GGA2: variants seen among roughly 807,000 people sequenced by gnomAD.
GGA2 encodes the protein ADP-ribosylation factor-binding protein GGA2.
GGA2 carries 48 observed loss-of-function variants against 79.5 expected under a neutral mutation model. The ratio of observed to expected loss-of-function variants is 0.60; its 90% CI spans 0.48 to 0.77. The LOEUF is 0.77. Among genes scored for constraint, GGA2 ranks in the 30% least tolerant of loss-of-function variants. GGA2 has a pLI of 0.00. For missense variants in GGA2, 770 were observed against 774.0 expected (o/e 0.99, Z 0.06); for synonymous variants, 317 against 302.0 (o/e 1.05, Z -0.51).
intron 8 of GGA2, among the ~76,000 whole-genome samples, chr16:23,484,470 G>A (rs1964688134): frequency 6.6e-6 from 1 of 152,096 alleles, no homozygotes; most frequent in African/African-American, 2.4e-5. Context: ...TCAAAATAGT[G>A]AAAAGACAGC....
At chr16:23,521,890 G>A (rs1965146667) in exon 1 of GGA2, 1 of 455,426 alleles carries the variant, frequency 2.2e-6, no homozygotes. Flanking sequence ...CTTGGACTCT[G>A]GATCGGCACA....
chr16:23,480,517 A>G lies in GGA2; in HGVS notation c.1006+128T>C, dbSNP rs1964633345. The stretch of plus-strand genomic sequence containing the variant: ...GTGGCAACATATCCACTTTCACAGG[A>G]AGGGGAACAAAGGGCGAGTTCTCTC... On this transcript the variant is annotated intron_variant, in intron 10 of 16. Transcript: ENST00000309859. 21 of 766,484 alleles carry G rather than the reference A, an allele frequency of 2.7e-5. No homozygotes were observed. The South Asian group carries it at 4.4e-4, about 16-fold the overall frequency. The allele number at this position is 766,484 out of a possible 1,614,324, so 47.5% of individuals were successfully genotyped here.
upstream of GGA2, among the ~76,000 whole-genome samples, chr16:23,513,613 G>GT (rs1965086364): frequency 6.6e-6 from 1 of 151,654 alleles, no homozygotes; most frequent in Admixed American, 6.6e-5. Flanking sequence ...GTGAAACCGC[G>GT]TGTCTACAAA....
At chr16:23,513,721 G>A (rs1457778735), upstream of GGA2, among the ~76,000 whole-genome samples, 1 of 146,412 alleles carries the variant, frequency 6.8e-6, no homozygotes, top group Non-Finnish European at 1.5e-5. Flanking sequence ...GGAGGCGGAG[G>A]TTGCAGTGAG....
At chr16:23,495,379 T>TC (rs922029033) in intron 2 of GGA2, 6 of 191,956 alleles carry the variant, frequency 3.1e-5, no homozygotes, top group African/African-American at 9.2e-5. Context: ...GTGTTTTTTT[T>TC]CCCCCACATG....
At chr16:23,523,059 G>A (rs994836421), upstream of GGA2, 1 of 152,202 alleles carries the variant, frequency 6.6e-6, no homozygotes, top group African/African-American at 2.4e-5. Context: ...CTTACCCTCA[G>A]AAGTCAAACT....
chr16:23,475,009 A>G lies in GGA2; in HGVS notation c.1345T>C (p.Ser449Pro). The change falls in exon 14 of 17, where the codon TCC (serine) becomes CCC (proline). Residue 449 changes from serine (S) to proline (P), a missense_variant. Ser to Pro is a moderately conservative substitution (Grantham distance 74). Coordinates refer to ENST00000309859, the MANE Select transcript of GGA2 (RefSeq NM_015044.4). Reference protein sequence around the residue: ...VPKEVPPGTKSSPGWSWEAGP... With the variant: ...VPKEVPPGTKPSPGWSWEAGP... ...GCCTCCCAGGACCAACCTGGAGAGGACTTAGTACCTGGTGGCACTTCCTTG... is the reference window on the plus strand; with the variant it reads ...GCCTCCCAGGACCAACCTGGAGAGGGCTTAGTACCTGGTGGCACTTCCTTG... 2 of 1,607,968 alleles carry G rather than the reference A, an allele frequency of 1.2e-6. No individual in the cohort carries two copies. The highest frequency in any genetic ancestry group is 1.7e-6 in the Non-Finnish European group (2 of 1,176,486).
At chr16:23,514,991 C>A (rs1193840185), upstream of GGA2, among the ~76,000 whole-genome samples, 1 of 151,984 alleles carries the variant, frequency 6.6e-6, no homozygotes, top group African/African-American at 2.4e-5. Context: ...GAGACCACAA[C>A]AGAAAGGATA....
At chr16:23,470,483 C>A (rs1350959602) in intron 14 of GGA2, among the ~76,000 whole-genome samples, 1 of 152,118 alleles carries the variant, frequency 6.6e-6, no homozygotes, top group Non-Finnish European at 1.5e-5. Context: ...GAATTATCAG[C>A]CAGGCGTGGG....
intron 7 of GGA2, among the ~76,000 whole-genome samples, chr16:23,486,460 C>G (rs909973675): frequency 6.6e-6 from 1 of 152,178 alleles, no homozygotes; most frequent in Non-Finnish European, 1.5e-5. Context: ...GGGACCCAAG[C>G]TGGTGTCTAG....
In GGA2 at chr16:23,466,740, T is replaced by C. The variant is rs548113663; in HGVS notation, c.*850A>G. The C allele has an allele frequency of 3.9e-5, 6 of 152,948 alleles. No homozygotes were observed. The highest frequency in any genetic ancestry group is 2.1e-4 in the South Asian group (1 of 4,834). 9.5% of individuals were successfully genotyped at this position (152,948 alleles called of 1,614,324 possible). A position where few individuals can be genotyped will look rare whatever the true frequency, so the allele number is the denominator to read the frequency against. ...GGGCTGGCTGTTGGCCGATTCATCA[T>C]GACTGACATGGTGTGTCACAAAGAG... On this transcript the variant is annotated 3_prime_UTR_variant, in exon 17 of 17. Transcript: ENST00000309859.
intron 2 of GGA2, among the ~76,000 whole-genome samples, chr16:23,519,346 G>A (rs1965122153): frequency 6.6e-6 from 1 of 152,080 alleles, no homozygotes; most frequent in South Asian, 2.1e-4. Flanking sequence ...CCCAGCCCTG[G>A]AAAAGATACT....
chr16:23,505,014 C>T (rs1964958716), intron 1 of GGA2, among the ~76,000 whole-genome samples: 1 of 152,190 alleles, frequency 6.6e-6, no homozygotes, highest in Non-Finnish European at 1.5e-5. Flanking sequence ...CTGGCACCAG[C>T]AGCCGCCTGT....
chr16:23,491,601 A>T lies in GGA2; in HGVS notation c.475+76T>A, dbSNP rs1964788357. 4.2e-6 allele frequency: 6 copies of T among 1,424,496 alleles called. No individual in the cohort carries two copies. In the South Asian group the frequency reaches 7.2e-5, roughly 17 times the overall value. 88.2% of individuals were successfully genotyped at this position (1,424,496 alleles called of 1,614,324 possible). A position where few individuals can be genotyped will look rare whatever the true frequency, so the allele number is the denominator to read the frequency against. On this transcript the variant is annotated intron_variant, in intron 5 of 16. Coordinates refer to ENST00000309859, the MANE Select transcript of GGA2 (RefSeq NM_015044.4). ...TAAGAAGTACAGCTTTCAACAAAAA[A>T]TTATAAGGCAGATGAAAAAGCAAGA... is the stretch of plus-strand genomic sequence containing the variant.
chr16:23,484,930 G>A (rs949303180), intron 8 of GGA2, among the ~76,000 whole-genome samples: 1 of 152,142 alleles, frequency 6.6e-6, no homozygotes, highest in Non-Finnish European at 1.5e-5. Context: ...GTCATTATTC[G>A]TAATGAATAA....
chr16:23,494,431 C>T (rs540980559), intron 2 of GGA2, 53 bp from the exon 3 acceptor site: 9 of 1,139,452 alleles, frequency 7.9e-6, no homozygotes, highest in East Asian at 2.3e-5. Flanking sequence ...GAAACTAACC[C>T]GAGTGGCTGA....
At position 23,494,301 on chromosome 16, in the gene GGA2, A is replaced by T. The variant is rs11647801; in HGVS notation, c.252+2T>A. 4 of 1,594,494 alleles carry T rather than the reference A, an allele frequency of 2.5e-6. No homozygotes were observed. The Admixed American group carries it at 6.7e-5, about 27-fold the overall frequency. ...TTAGGCTACAAGGCAAGCCAAACTC[A>T]CCGTTAAGGCATAAAGAGCTTCCTT... is the stretch of plus-strand genomic sequence containing the variant. On this transcript the variant is annotated splice_donor_variant, in intron 3 of 16. Transcript: ENST00000309859. LOFTEE classifies it high-confidence loss of function.
chr16:23,477,512 G>A lies in GGA2; in HGVS notation c.1292+856C>T, dbSNP rs565448466. ...TAATCCCAGCACTTTGGGAGGCTGA[G>A]GCAGACGGATCATGAGGTCAAGAGA... is the stretch of plus-strand genomic sequence containing the variant. On this transcript the variant is annotated intron_variant, in intron 13 of 16. Coordinates refer to ENST00000309859, the MANE Select transcript of GGA2 (RefSeq NM_015044.4). Among the ~76,000 whole-genome samples the A allele has an allele frequency of 4.0e-4, 61 of 152,260 alleles. 2 individuals carry two copies. The South Asian group carries it at 0.012, about 30-fold the overall frequency.
chr16:23,508,848 A>T (rs1965003865), intron 1 of GGA2, among the ~76,000 whole-genome samples: 1 of 152,008 alleles, frequency 6.6e-6, no homozygotes, highest in East Asian at 1.9e-4. Context: ...CTCTGCCTAA[A>T]CCAGCTCCTC....
Sources: gnomAD v4.1 joint callset for allele counts (sites outside exome capture counted in the v4.1 genomes callset) on GRCh38, gnomAD v4.1.1 for gene constraint, MANE v1.5 for transcripts, NCBI Gene and HGNC (gene_info 2026-07-23, HGNC 2026-07-21) for gene names.